The following ADARB2 variants were observed in gnomAD, a reference collection of about 807,000 sequenced individuals.
The protein encoded by ADARB2 is inactive double-stranded RNA-specific editase B2.
ADARB2 carries 25 observed loss-of-function variants against 62.2 expected under a neutral mutation model. The observed-to-expected ratio is 0.40, with a 90% CI of 0.29 to 0.56. The LOEUF (loss-of-function observed/expected upper bound fraction) is 0.56, where lower values mean the gene tolerates loss of function less well. ADARB2 is among the 20% of genes least tolerant of loss of function. The pLI, the probability that ADARB2 is intolerant of heterozygous loss-of-function variation, is 0.43. For synonymous variants in ADARB2, 572 were observed against 500.8 expected (o/e 1.14, Z -1.90); for missense variants, 1,071 against 1,077.4 (o/e 0.99, Z 0.08).
At chr10:1,248,682 G>C (rs1317825009) in intron 4 of ADARB2, among the ~76,000 whole-genome samples, 2 of 152,242 alleles carry the variant, frequency 1.3e-5, no homozygotes, top group Non-Finnish European at 2.9e-5. Context: ...AGTTTGTATA[G>C]AAGCATCACT....
chr10:1,424,726 A>T (rs2131886808), intron 1 of ADARB2, among the ~76,000 whole-genome samples: 1 of 152,206 alleles, frequency 6.6e-6, no homozygotes, highest in South Asian at 2.1e-4. Flanking sequence ...GTTCCATGTG[A>T]TGGAACTCAA....
chr10:1,427,076 C>T (rs559594559), intron 1 of ADARB2, among the ~76,000 whole-genome samples: 218 of 152,344 alleles, frequency 1.4e-3, no homozygotes, highest in African/African-American at 5.0e-3. Context: ...AATTTAGATC[C>T]TCCATAAGTA....
chr10:1,517,830 C>G (rs1832024657), intron 1 of ADARB2, among the ~76,000 whole-genome samples: 2 of 152,160 alleles, frequency 1.3e-5, no homozygotes, highest in African/African-American at 4.8e-5. Context: ...TTACTAGTCT[C>G]TGCTTCCTCC....
intron 1 of ADARB2, among the ~76,000 whole-genome samples, chr10:1,455,151 T>A (rs1831082472): frequency 6.6e-6 from 1 of 152,330 alleles, no homozygotes; most frequent in Admixed American, 6.5e-5. Context: ...CTTACACTTA[T>A]GAATAGTTGG....
intron 1 of ADARB2, among the ~76,000 whole-genome samples, chr10:1,580,540 G>A (rs1833083723): frequency 6.7e-6 from 1 of 149,604 alleles, no homozygotes; most frequent in African/African-American, 2.5e-5. Flanking sequence ...ATTTAGAGCA[G>A]TTTGTGGTTC....
At chr10:1,616,172 A>AT (rs1304134199) in intron 1 of ADARB2, among the ~76,000 whole-genome samples, 8 of 152,336 alleles carry the variant, frequency 5.3e-5, no homozygotes, top group African/African-American at 1.9e-4. Context: ...TTGCCACCAC[A>AT]TAGGAAGGGC....
rs543085735 is a variant in ADARB2, at chr10:1,417,077, T to C, written c.101-37917A>G. 6.3e-4 allele frequency among the ~76,000 whole-genome samples: 95 copies of C among 151,930 alleles called. 1 individual carries two copies. The highest frequency in any genetic ancestry group is 1.2e-3 in the Non-Finnish European group (83 of 68,006). ...TCAGATGGCCAGAAAGTGTGGGATA[T>C]AATAGATGGGCAGGAAGTATAGACC... is the stretch of plus-strand genomic sequence containing the variant. On this transcript the variant is annotated intron_variant, in intron 1 of 9. Transcript: ENST00000381312.
rs55856846 is a variant in ADARB2, at chr10:1,349,844, T to C, written c.1077+13184A>G. ...ATGTTCCACTGATGTCTGATCTCCGTGGGGAAGCCTGCCTTGGTCATTCAC... is the reference window on the plus strand; with the variant it reads ...ATGTTCCACTGATGTCTGATCTCCGCGGGGAAGCCTGCCTTGGTCATTCAC... On this transcript the variant is annotated intron_variant, in intron 3 of 9. Coordinates refer to ENST00000381312, the MANE Select transcript of ADARB2 (RefSeq NM_018702.4). Among the ~76,000 whole-genome samples the C allele has an allele frequency of 1.5e-3, 222 of 152,258 alleles. 1 individual carries two copies. Among genetic ancestry groups the C allele is most frequent in the African/African-American group, 5.2e-3 (214 of 41,548 alleles).
intron 1 of ADARB2, among the ~76,000 whole-genome samples, chr10:1,510,402 G>A (rs955239686): frequency 5.3e-5 from 8 of 151,890 alleles, no homozygotes; most frequent in African/African-American, 1.7e-4. Context: ...GGCTTGTCTC[G>A]AACTCCTGAG....
rs565396655 is a variant in ADARB2, at chr10:1,613,770, A to T, written c.100+123281T>A. Among the ~76,000 whole-genome samples the T allele has an allele frequency of 6.4e-4, 98 of 152,360 alleles. 1 individual carries two copies. In the South Asian group the frequency reaches 0.02, roughly 31 times the overall value. ...CACGATGCCTTTATGTACAAAGCTA[A>T]TAATGGAGATAAGGCTGGATGGTGA... On this transcript the variant is annotated intron_variant, in intron 1 of 9. Transcript: ENST00000381312.
At chr10:1,498,055 T>G (rs948014352) in intron 1 of ADARB2, among the ~76,000 whole-genome samples, 1 of 152,092 alleles carries the variant, frequency 6.6e-6, no homozygotes, top group Non-Finnish European at 1.5e-5. Flanking sequence ...GTGCTTGTGG[T>G]GGTATAAGTC....
At chr10:1,523,234 T>A (rs1020691384) in intron 1 of ADARB2, among the ~76,000 whole-genome samples, 2 of 152,236 alleles carry the variant, frequency 1.3e-5, no homozygotes, top group African/African-American at 4.8e-5. Context: ...TAATTAATAA[T>A]GATAACAAAT....
chr10:1,571,738 A>G (rs113802164), intron 1 of ADARB2, among the ~76,000 whole-genome samples: 52,998 of 121,496 alleles, frequency 0.44, 10,424 homozygotes, highest in African/African-American at 0.61. Context: ...GTGCAGGTGA[A>G]TGGACAGGTG....
Position 1,178,912 on chromosome 10 carries a change from A to C in ADARB2, c.*4281T>G, listed in dbSNP as rs905924209. 2.0e-5 allele frequency: 3 copies of C among 152,184 alleles called. No homozygotes were observed. The highest frequency in any genetic ancestry group is 7.2e-5 in the African/African-American group (3 of 41,436). 9.4% of individuals were successfully genotyped at this position (152,184 alleles called of 1,614,324 possible). On this transcript the variant is annotated 3_prime_UTR_variant, in exon 10 of 10. Transcript: ENST00000381312. Reference sequence around the variant, plus strand: ...ATCCAACGGTAGTACATAAAAGGAAAGCCTCTCAGCTTCCCTTTGGTCTCT... The same window carrying C: ...ATCCAACGGTAGTACATAAAAGGAACGCCTCTCAGCTTCCCTTTGGTCTCT...
At chr10:1,697,549 GC>G (rs1834762809) in intron 1 of ADARB2, among the ~76,000 whole-genome samples, 1 of 152,214 alleles carries the variant, frequency 6.6e-6, no homozygotes, top group Admixed American at 6.5e-5. Flanking sequence ...ACACAGATCA[GC>G]AAAACTCCAA....
At chr10:1,576,405 T>C (rs1833022287) in intron 1 of ADARB2, among the ~76,000 whole-genome samples, 1 of 150,628 alleles carries the variant, frequency 6.6e-6, no homozygotes, top group Non-Finnish European at 1.5e-5. Context: ...AGGAGGGGGC[T>C]CAGGATCACT....
In ADARB2 at chr10:1,724,670, A is replaced by C. The variant is rs552680427; in HGVS notation, c.100+12381T>G. Among the ~76,000 whole-genome samples, 304 of 152,360 alleles carry C rather than the reference A, an allele frequency of 2.0e-3. 1 individual carries two copies. The highest frequency in any genetic ancestry group is 3.9e-3 in the Non-Finnish European group (263 of 68,040). ...GGGTCCTGGAAGAGCTTCAGGTCCC[A>C]TAGAGCAATAAAAGAAGAACCAGAG... On this transcript the variant is annotated intron_variant, in intron 1 of 9. Transcript: ENST00000381312.
In ADARB2 at chr10:1,379,156, T is replaced by C; in HGVS notation, c.105A>G (p.Lys35=). 1 of 1,611,244 alleles carries C rather than the reference T, an allele frequency of 6.2e-7. No individual in the cohort carries two copies. Among genetic ancestry groups the C allele is most frequent in the Non-Finnish European group, 8.5e-7 (1 of 1,177,502 alleles). The change falls in exon 2 of 10, where the codon AAA becomes AAG. Residue 35 remains lysine (K), a synonymous_variant. Coordinates refer to ENST00000381312, the MANE Select transcript of ADARB2 (RefSeq NM_018702.4). ...CGAGGAAGGTTGACAATATGCTTACTTTATCTGGAAAGAAAAGAACAGGAA... is the reference window on the plus strand; with the variant it reads ...CGAGGAAGGTTGACAATATGCTTACCTTATCTGGAAAGAAAAGAACAGGAA... ...RRRRRSKRKD[K]VSILSTFLAP... is the part of the protein sequence containing the mutation.
At chr10:1,442,861 A>T (rs1588259695) in intron 1 of ADARB2, among the ~76,000 whole-genome samples, 2 of 152,184 alleles carry the variant, frequency 1.3e-5, no homozygotes, top group Non-Finnish European at 2.9e-5. Flanking sequence ...TGACCACCTG[A>T]GCTGAATGGA....
Sources: allele counts gnomAD v4.1 joint callset (sites outside exome capture counted in the v4.1 genomes callset), GRCh38; gene constraint gnomAD v4.1.1; transcripts MANE v1.5; gene names NCBI Gene and HGNC (gene_info 2026-07-23, HGNC 2026-07-21).